The following CPSF7 variants were observed in gnomAD, a reference collection of about 807,000 sequenced individuals.
The protein encoded by CPSF7 is cleavage and polyadenylation specific factor 7.
A neutral mutation model predicts 44.3 loss-of-function variants in CPSF7; 1 was observed. The ratio of observed to expected loss-of-function variants is 0.02; its 90% CI spans 0.01 to 0.11. The LOEUF (loss-of-function observed/expected upper bound fraction) is 0.11. CPSF7 is among the 10% of genes least tolerant of loss of function. The pLI is 1.00. For synonymous variants in CPSF7, 202 were observed against 222.0 expected (o/e 0.91, Z 0.80); for missense variants, 443 against 607.2 (o/e 0.73, Z 2.84).
chr11:61,426,797 G>A (rs569169341), intron 2 of CPSF7: 1 of 152,354 alleles, frequency 6.6e-6, no homozygotes, highest in African/African-American at 2.4e-5. Flanking sequence ...GGAGGCCGAG[G>A]TGGGCAGATC....
At chr11:61,409,005 T>A (rs984502195) in intron 9 of CPSF7, among the ~76,000 whole-genome samples, 3 of 149,812 alleles carry the variant, frequency 2.0e-5, no homozygotes, top group African/African-American at 7.4e-5. Flanking sequence ...AAAGCAAGAC[T>A]CTACAAAAAA....
At position 61,429,271 on chromosome 11, in the gene CPSF7, A is replaced by C; in HGVS notation, c.-36T>G. On this transcript the variant is annotated 5_prime_UTR_variant, in exon 2 of 10. Coordinates refer to ENST00000439958, the MANE Select transcript of CPSF7 (RefSeq NM_001142565.3). ...GGAAGATCGCGAGTCCGGAGGATGG[A>C]CAAAGTAAGGAAGATGCCACTGCGG... 1.2e-6 allele frequency: 2 copies of C among 1,612,238 alleles called. No homozygotes were observed. The highest frequency in any genetic ancestry group is 1.7e-6 in the Non-Finnish European group (2 of 1,178,350).
At chr11:61,420,435 C>A (rs927958937) in intron 4 of CPSF7, 35 bp downstream of exon 4, 1 of 1,538,840 alleles carries the variant, frequency 6.5e-7, no homozygotes, top group African/African-American at 1.4e-5. Context: ...CCAATGGTTA[C>A]AAATTAAAAG....
intron 3 of CPSF7, chr11:61,420,996 G>A (rs951945034): frequency 9.8e-7 from 1 of 1,018,600 alleles, no homozygotes; most frequent in Non-Finnish European, 1.4e-6. Flanking sequence ...CAGAACAACA[G>A]TCACCACCTA....
intron 5 of CPSF7, among the ~76,000 whole-genome samples, 186 bp downstream of exon 5, chr11:61,419,763 T>C (rs1419185517): frequency 6.6e-6 from 1 of 152,140 alleles, no homozygotes; most frequent in Non-Finnish European, 1.5e-5. Context: ...CAATGCTCTT[T>C]CTTCTATATA....
At chr11:61,423,528 C>T (rs1256599826) in intron 2 of CPSF7, among the ~76,000 whole-genome samples, 2 of 152,094 alleles carry the variant, frequency 1.3e-5, no homozygotes, top group Non-Finnish European at 2.9e-5. Context: ...AAGAATTAGA[C>T]AAAACATTCA....
rs766443721 is a variant in CPSF7 at position 61,411,802 on chromosome 11, G to A, written c.1193C>T (p.Ser398Phe). The A allele has an allele frequency of 6.2e-7, 1 of 1,613,634 alleles. No individual in the cohort carries two copies. The highest frequency in any genetic ancestry group is 1.3e-5 in the African/African-American group (1 of 75,028). The part of the protein sequence containing the change: ...KDCLHGIEAK[S>F]YSVGASGSSS... ...GCTCCCACTGGCACCCACACTGTAGGACTTGGCTTCGATGCCATGAAGACA... is the reference window on the plus strand; with the variant it reads ...GCTCCCACTGGCACCCACACTGTAGAACTTGGCTTCGATGCCATGAAGACA... The change falls in exon 8 of 10, where the codon TCC (serine) becomes TTC (phenylalanine). Residue 398 changes from serine (S) to phenylalanine (F), a missense_variant. By Grantham distance (155) the Ser-to-Phe change is radical. Coordinates refer to ENST00000439958, the MANE Select transcript of CPSF7 (RefSeq NM_001142565.3).
intron 9 of CPSF7, among the ~76,000 whole-genome samples, chr11:61,408,874 T>C (rs1429219858): frequency 6.6e-6 from 1 of 152,222 alleles, no homozygotes; most frequent in Non-Finnish European, 1.5e-5. Context: ...TGCTTTCATT[T>C]TGCTTCAAAA....
rs750700230 is a variant in CPSF7 at position 61,411,795 on chromosome 11, A to G, written c.1200T>C (p.Ser400=). 3.8e-5 allele frequency: 61 copies of G among 1,613,014 alleles called. 1 individual carries two copies. The South Asian group carries it at 6.2e-4, about 16-fold the overall frequency. Residue 400 remains serine (S), a synonymous_variant, in exon 8 of 10, where the codon AGT becomes AGC. Coordinates refer to ENST00000439958, the MANE Select transcript of CPSF7 (RefSeq NM_001142565.3). The stretch of plus-strand genomic sequence containing the variant: ...TGGAAGAGCTCCCACTGGCACCCAC[A>G]CTGTAGGACTTGGCTTCGATGCCAT... ...CLHGIEAKSY[S]VGASGSSSRK...
intron 4 of CPSF7, 90 bp from the exon 5 acceptor site, chr11:61,420,184 TAAAGC>T (rs1273043232): frequency 9.1e-7 from 1 of 1,094,680 alleles, no homozygotes; most frequent in African/African-American, 1.6e-5. Flanking sequence ...TAAAAATTGA[TAAAGC>T]AAAGGACATC....
rs1247845667 is a variant in CPSF7 at position 61,416,463 on chromosome 11, T to C, written c.580A>G (p.Thr194Ala). 6.8e-6 allele frequency: 11 copies of C among 1,613,942 alleles called. No individual in the cohort carries two copies. The highest frequency in any genetic ancestry group is 8.5e-6 in the Non-Finnish European group (10 of 1,180,004). Residue 194 changes from threonine to alanine, a missense_variant, in exon 6 of 10, where the codon ACA (threonine) becomes GCA (alanine). Coordinates refer to ENST00000439958, the MANE Select transcript of CPSF7 (RefSeq NM_001142565.3). Reference protein sequence around the residue: ...DSSDSADGRATPSENLVPSSA... With the variant: ...DSSDSADGRAAPSENLVPSSA... Reference sequence around the variant, plus strand: ...GAGGGTACAAGGTTCTCAGAGGGTGTGGCCCGTCCATCAGCAGAATCACTA... The same window carrying C: ...GAGGGTACAAGGTTCTCAGAGGGTGCGGCCCGTCCATCAGCAGAATCACTA...
intron 8 of CPSF7, 58 bp downstream of exon 8, chr11:61,411,711 C>A: frequency 6.6e-7 from 1 of 1,509,352 alleles, no homozygotes; most frequent in Admixed American, 1.8e-5. Context: ...TCCCCACTCC[C>A]TATCCCTGGA....
Position 61,429,318 on chromosome 11 carries a change from T to C in CPSF7, c.-55-28A>G, listed in dbSNP as rs182112888. 677 of 1,366,740 alleles carry C rather than the reference T, an allele frequency of 5.0e-4. 4 individuals are homozygous for C. The East Asian group carries it at 0.015, about 29-fold the overall frequency. 84.7% of individuals were successfully genotyped at this position (1,366,740 alleles called of 1,614,324 possible). A position where few individuals can be genotyped will look rare whatever the true frequency, so the allele number is the denominator to read the frequency against. ...GCGGGATTCGGAAAAATGCAAGAATTAGAAGGCACGAGGGTCCTGGGCTGG... is the reference window on the plus strand; with the variant it reads ...GCGGGATTCGGAAAAATGCAAGAATCAGAAGGCACGAGGGTCCTGGGCTGG... On this transcript the variant is annotated intron_variant, in intron 1 of 9. Transcript: ENST00000439958.
chr11:61,423,784 C>T (rs183166322), intron 2 of CPSF7, among the ~76,000 whole-genome samples: 18 of 152,210 alleles, frequency 1.2e-4, no homozygotes, highest in South Asian at 2.1e-4. Context: ...GATCTGAAGA[C>T]GACTCACTAA....
chr11:61,409,949 G>A (rs918918990), intron 9 of CPSF7, among the ~76,000 whole-genome samples: 15 of 151,984 alleles, frequency 9.9e-5, no homozygotes, highest in African/African-American at 2.9e-4. Flanking sequence ...CAGCGTGGGC[G>A]GCAAAGTGAG....
chr11:61,420,659 A>G lies in CPSF7; in HGVS notation c.274-86T>C. On this transcript the variant is annotated intron_variant, in intron 3 of 9. Transcript: ENST00000439958. ...TCCCAAACCCAGGATTCTAGTCACA[A>G]CTAAGTCCCCCCAGAGGAAACTCAA... The G allele has an allele frequency of 4.0e-6, 4 of 998,312 alleles. No homozygotes were observed. In the Admixed American group the frequency reaches 5.7e-5, roughly 14 times the overall value. The allele number at this position is 998,312 out of a possible 1,614,324, so 61.8% of individuals were successfully genotyped here.
chr11:61,404,798 C>T (rs1037976288), intron 9 of CPSF7, 94 bp from the exon 10 acceptor site: 5 of 152,244 alleles, frequency 3.3e-5, no homozygotes, highest in South Asian at 2.1e-4. Context: ...CATATTCTAA[C>T]GCTACAACAT....
chr11:61,429,869 C>T, intron 1 of CPSF7, 45 bp downstream of exon 1: 1 of 1,536,206 alleles, frequency 6.5e-7, no homozygotes, highest in Non-Finnish European at 8.8e-7. Context: ...CCGGCCCGGA[C>T]CCCTCTTCCG....
intron 5 of CPSF7, among the ~76,000 whole-genome samples, chr11:61,419,610 G>A (rs1333834539): frequency 6.6e-6 from 1 of 152,122 alleles, no homozygotes; most frequent in Non-Finnish European, 1.5e-5. Flanking sequence ...CAGAAACACA[G>A]AATTTAGAGG....
Sources: gnomAD v4.1 joint callset for allele counts (sites outside exome capture counted in the v4.1 genomes callset) on GRCh38, gnomAD v4.1.1 for gene constraint, MANE v1.5 for transcripts, NCBI Gene and HGNC (gene_info 2026-07-23, HGNC 2026-07-21) for gene names.